The following AKAP9 variants were observed in gnomAD, a reference collection of about 807,000 sequenced individuals.
AKAP9 encodes A-kinase anchoring protein 9, also known as A-kinase anchor protein 9.
In AKAP9, 311 loss-of-function variants were observed where a neutral mutation model predicts 488.5. The observed-to-expected ratio is 0.64, with a 90% CI of 0.58 to 0.70. AKAP9 has a LOEUF of 0.70. AKAP9 is among the 30% of genes least tolerant of loss of function. The pLI is 0.00. For synonymous variants in AKAP9, 1,462 were observed against 1,483.5 expected (o/e 0.99, Z 0.33); for missense variants, 4,215 against 4,374.5 (o/e 0.96, Z 1.03).
intron 21 of AKAP9, among the ~76,000 whole-genome samples, chr7:92,050,209 C>T (rs1410158325): frequency 6.6e-6 from 1 of 152,062 alleles, no homozygotes; most frequent in East Asian, 1.9e-4. Flanking sequence ...GAACTACAGG[C>T]ACGTGCCACC....
At chr7:91,983,664 A>C (rs1365757209) in intron 3 of AKAP9, among the ~76,000 whole-genome samples, 1 of 152,234 alleles carries the variant, frequency 6.6e-6, no homozygotes, top group Non-Finnish European at 1.5e-5. Context: ...TTATCTGAAC[A>C]TGGTGGCGCA....
chr7:91,959,838 G>T (rs1793512410), intron 1 of AKAP9, among the ~76,000 whole-genome samples: 1 of 152,092 alleles, frequency 6.6e-6, no homozygotes, highest in African/African-American at 2.4e-5. Context: ...GGCCTGTTTG[G>T]CACTGTTATT....
chr7:91,984,328 A>T (rs555921515), intron 3 of AKAP9, among the ~76,000 whole-genome samples: 2 of 152,182 alleles, frequency 1.3e-5, no homozygotes, highest in African/African-American at 4.8e-5. Flanking sequence ...GAAGGAGTCC[A>T]GTTTCAGTTT....
intron 40 of AKAP9, among the ~76,000 whole-genome samples, chr7:92,095,576 C>A (rs1007061244): frequency 2.0e-5 from 3 of 152,126 alleles, no homozygotes; most frequent in Admixed American, 6.5e-5. Flanking sequence ...TGAACATTGG[C>A]CCCTTTCAGA....
chr7:92,002,167 TAAAAC>T lies in AKAP9; in HGVS notation c.2252_2256del (p.Lys751ArgfsTer13), dbSNP rs566737486. On this transcript the variant is annotated frameshift_variant, in exon 8 of 50. Coordinates refer to ENST00000356239, the MANE Select transcript of AKAP9 (RefSeq NM_005751.5). LOFTEE classifies it high-confidence loss of function. ...AACAAGAAGTTCAAGAATTACAACT[TAAAAC>T]AGAATTGTTAGAAAAACAGATGAAG... The T allele has an allele frequency of 1.9e-5, 30 of 1,593,682 alleles. No homozygotes were observed. The highest frequency in any genetic ancestry group is 2.7e-5 in the African/African-American group (2 of 73,464).
At chr7:91,977,809 G>T (rs916117495) in intron 2 of AKAP9, among the ~76,000 whole-genome samples, 1 of 152,056 alleles carries the variant, frequency 6.6e-6, no homozygotes, top group African/African-American at 2.4e-5. Flanking sequence ...CAATATTTGG[G>T]TTCTCTATTC....
At chr7:92,039,838 G>A (rs1191176287) in intron 17 of AKAP9, among the ~76,000 whole-genome samples, 1 of 151,764 alleles carries the variant, frequency 6.6e-6, no homozygotes, top group Non-Finnish European at 1.5e-5. Context: ...AGCTGGGCAT[G>A]GCAGTACATG....
At chr7:92,031,399 T>C (rs2130756957) in intron 15 of AKAP9, 113 bp from the exon 16 acceptor site, 1 of 714,518 alleles carries the variant, frequency 1.4e-6, no homozygotes, top group South Asian at 1.7e-5. Context: ...GCTGAAAGTA[T>C]GTAGAACTTT....
intron 21 of AKAP9, among the ~76,000 whole-genome samples, chr7:92,049,421 C>T (rs1202319001): frequency 6.6e-6 from 1 of 152,006 alleles, no homozygotes; most frequent in Non-Finnish European, 1.5e-5. Context: ...ACCGTCCTGG[C>T]TAACATGGTG....
chr7:92,035,688 C>T (rs1054544109), intron 16 of AKAP9, among the ~76,000 whole-genome samples: 1 of 152,202 alleles, frequency 6.6e-6, no homozygotes, highest in Non-Finnish European at 1.5e-5. Context: ...CTTTCCCATA[C>T]AAATCACCTA....
intron 24 of AKAP9, 74 bp downstream of exon 24, chr7:92,062,560 T>C: frequency 7.7e-7 from 1 of 1,300,872 alleles, no homozygotes; most frequent in Non-Finnish European, 1.1e-6. Flanking sequence ...AAGGTGGCTT[T>C]TTTCCTCTTT....
chr7:91,974,033 A>T, intron 2 of AKAP9, 65 bp downstream of exon 2: 1 of 1,578,234 alleles, frequency 6.3e-7, no homozygotes, highest in Non-Finnish European at 8.7e-7. Flanking sequence ...AACAACAGTC[A>T]TTAGCAACTG....
chr7:92,103,387 CAAAAAAAAAAAA>C (rs898565298), intron 46 of AKAP9, among the ~76,000 whole-genome samples: 7 of 25,902 alleles, frequency 2.7e-4, no homozygotes, highest in East Asian at 2.2e-3. Context: ...GAGACTCTGT[CAAAAAAAAAAAA>C]AAAAAAAAAA....
chr7:92,012,526 A>C lies in AKAP9; in HGVS notation c.3416A>C (p.Lys1139Thr). 6.2e-7 allele frequency: 1 copy of C among 1,614,056 alleles called. No individual in the cohort carries two copies. Among genetic ancestry groups the C allele is most frequent in the Non-Finnish European group, 8.5e-7 (1 of 1,179,954 alleles). ...GTTCGTGAATATATGGAAAATGAAA[A>C]AGATAAAGCTCTTTGCAGTCTTAAA... ...DQVREYMENE[K>T]DKALCSLKEE... Residue 1139 changes from lysine to threonine, a missense_variant, in exon 9 of 50, where the codon AAA (lysine) becomes ACA (threonine). By Grantham distance (78) the Lys-to-Thr change is moderately conservative. Transcript: ENST00000356239.
rs145033147 is a variant in AKAP9 at position 92,001,602 on chromosome 7, A to T, written c.1685A>T (p.His562Leu). The T allele has an allele frequency of 1.9e-6, 3 of 1,613,792 alleles. No individual in the cohort carries two copies. Among genetic ancestry groups the T allele is most frequent in the African/African-American group, 2.7e-5 (2 of 74,932 alleles). Reference sequence around the variant, plus strand: ...CAAGAAAGTAAACTTAATGAAGCACATAAGTCCCTTAGTACAGTGGAAGAT... The same window carrying T: ...CAAGAAAGTAAACTTAATGAAGCACTTAAGTCCCTTAGTACAGTGGAAGAT... ...AEQESKLNEA[H>L]KSLSTVEDLK... is the part of the protein sequence containing the mutation. Residue 562 changes from histidine (H) to leucine (L), a missense_variant, in exon 8 of 50, where the codon CAT becomes CTT. His to Leu is a moderately conservative substitution (Grantham distance 99, BLOSUM62 -3). Around this residue, in one of 5 missense-constraint regions of AKAP9, gnomAD observed 2,361 missense variants for 2,430.0 expected, o/e 0.97. Transcript: ENST00000356239.
intron 25 of AKAP9, 137 bp downstream of exon 25, chr7:92,065,600 C>A: frequency 1.6e-6 from 1 of 626,988 alleles, no homozygotes; most frequent in Non-Finnish European, 2.8e-6. Context: ...ATCTACTAAT[C>A]GATCAAAAAG....
chr7:92,107,505 C>A, intron 48 of AKAP9, 83 bp downstream of exon 48: 1 of 1,354,132 alleles, frequency 7.4e-7, no homozygotes, highest in Non-Finnish European at 1.0e-6. Context: ...AGGGCTTTGA[C>A]TTCTTTGCAT....
intron 1 of AKAP9, among the ~76,000 whole-genome samples, chr7:91,965,388 A>G (rs1286433403): frequency 6.6e-6 from 1 of 152,210 alleles, no homozygotes; most frequent in East Asian, 1.9e-4. Context: ...TGGCTGAATA[A>G]TATTCCATTG....
intron 22 of AKAP9, among the ~76,000 whole-genome samples, chr7:92,053,190 T>G (rs546263000): frequency 2.0e-5 from 3 of 152,326 alleles, no homozygotes; most frequent in Admixed American, 2.0e-4. Context: ...TTTTTGCTTA[T>G]TTCAGGTATA....
Sources: gnomAD v4.1 joint callset for allele counts (sites outside exome capture counted in the v4.1 genomes callset) on GRCh38, gnomAD v4.1.1 for gene constraint, gnomAD v4.1.1 regional missense constraint, MANE v1.5 for transcripts, NCBI Gene and HGNC (gene_info 2026-07-23, HGNC 2026-07-21) for gene names.